SUGCT: variants seen among roughly 807,000 people sequenced by gnomAD.
SUGCT encodes the protein succinyl-CoA:glutarate-CoA transferase.
Under a neutral mutation model 55.0 loss-of-function variants are expected in SUGCT, and 41 were observed. The ratio of observed to expected loss-of-function variants is 0.74; its 90% confidence interval spans 0.58 to 0.97. SUGCT has a LOEUF of 0.97. Among genes scored for constraint, SUGCT ranks in the 50% least tolerant of loss-of-function variants. The pLI, the probability that SUGCT is intolerant of heterozygous loss-of-function variation, is 0.00. For synonymous variants in SUGCT, 187 were observed against 200.4 expected (o/e 0.93, Z 0.56); for missense variants, 568 against 547.8 (o/e 1.04, Z -0.37).
intron 9 of SUGCT, among the ~76,000 whole-genome samples, chr7:40,355,055 CA>C (rs2151207061): frequency 6.6e-6 from 1 of 152,234 alleles, no homozygotes; most frequent in African/African-American, 2.4e-5. Context: ...CATAGAGTTC[CA>C]TAAAACTCCA....
At chr7:40,618,202 A>C (rs1012160467) in intron 12 of SUGCT, among the ~76,000 whole-genome samples, 3 of 152,190 alleles carry the variant, frequency 2.0e-5, no homozygotes, top group Admixed American at 1.3e-4. Flanking sequence ...TGATATCTCT[A>C]CATGGATGTC....
intron 12 of SUGCT, among the ~76,000 whole-genome samples, chr7:40,586,152 G>T (rs888338056): frequency 6.6e-6 from 1 of 152,024 alleles, no homozygotes; most frequent in Non-Finnish European, 1.5e-5. Flanking sequence ...GAGCTCAGTC[G>T]ATGTCTGCTA....
At chr7:40,816,009 A>G (rs532648780) in intron 13 of SUGCT, among the ~76,000 whole-genome samples, 26 of 152,340 alleles carry the variant, frequency 1.7e-4, no homozygotes, top group Non-Finnish European at 3.2e-4. Context: ...AAGCTGGGGC[A>G]CCCAGCAATG....
At chr7:41,032,595 G>A in the SUGCT span, among the ~76,000 whole-genome samples, 1 of 152,136 alleles carries the variant, frequency 6.6e-6, no homozygotes, top group Non-Finnish European at 1.5e-5. Flanking sequence ...AAAATATGGT[G>A]GAGCCTACCT....
chr7:40,345,623 G>C lies in SUGCT; in HGVS notation c.816+28768G>C, dbSNP rs541117927. On this transcript the variant is annotated intron_variant, in intron 9 of 13. Coordinates refer to ENST00000335693, the MANE Select transcript of SUGCT (RefSeq NM_001193313.2). ...TCACCTGTTGAATGATTTTTAGGTT[G>C]TTTTGCAATTTTTATTTTTGTAAGG... Among the ~76,000 whole-genome samples the C allele has an allele frequency of 2.0e-5, 3 of 151,632 alleles. No homozygotes were observed. In the South Asian group the frequency reaches 6.3e-4, roughly 32 times the overall value.
At chr7:40,778,701 C>T (rs948472480) in intron 13 of SUGCT, among the ~76,000 whole-genome samples, 2 of 152,200 alleles carry the variant, frequency 1.3e-5, no homozygotes, top group African/African-American at 2.4e-5. Flanking sequence ...ATCTGCTTGG[C>T]GTAAAACTTA....
intron 6 of SUGCT, among the ~76,000 whole-genome samples, chr7:40,204,861 G>A (rs538627577): frequency 6.6e-6 from 1 of 152,250 alleles, no homozygotes; most frequent in Admixed American, 6.5e-5. Context: ...TTGAGCCCAG[G>A]AGTTTGAGGC....
chr7:40,628,934 G>A (rs967945935), intron 12 of SUGCT, among the ~76,000 whole-genome samples: 6 of 152,078 alleles, frequency 3.9e-5, no homozygotes, highest in Admixed American at 3.3e-4. Context: ...TAGAGATGGG[G>A]TTTCACCATG....
chr7:40,635,570 A>G (rs1056584803), intron 12 of SUGCT, among the ~76,000 whole-genome samples: 1 of 152,210 alleles, frequency 6.6e-6, no homozygotes, highest in African/African-American at 2.4e-5. Context: ...TAGCAATAAG[A>G]ATCTCTATAT....
the SUGCT span, among the ~76,000 whole-genome samples, chr7:40,898,338 G>A: frequency 2.6e-5 from 4 of 152,154 alleles, no homozygotes; most frequent in Non-Finnish European, 5.9e-5. Context: ...GACTCACCGC[G>A]AAGGTCTGCG....
At chr7:40,281,765 A>G (rs1792965181) in intron 8 of SUGCT, among the ~76,000 whole-genome samples, 1 of 152,210 alleles carries the variant, frequency 6.6e-6, no homozygotes, top group Non-Finnish European at 1.5e-5. Flanking sequence ...GGAGCAGCAT[A>G]GAAAGCTCAG....
At chr7:40,643,505 C>G (rs1800359359) in intron 12 of SUGCT, among the ~76,000 whole-genome samples, 1 of 152,210 alleles carries the variant, frequency 6.6e-6, no homozygotes, top group Non-Finnish European at 1.5e-5. Context: ...GGACTTCCCA[C>G]ACCTCTTACG....
chr7:40,768,905 G>T (rs1391731396), intron 13 of SUGCT, among the ~76,000 whole-genome samples: 1 of 152,198 alleles, frequency 6.6e-6, no homozygotes, highest in Non-Finnish European at 1.5e-5. Context: ...TTTAGGGAGA[G>T]TGCAGCCTGC....
intron 13 of SUGCT, chr7:40,808,466 T>G (rs1369625373): frequency 6.6e-6 from 1 of 152,358 alleles, no homozygotes; most frequent in Non-Finnish European, 1.5e-5. Context: ...ACTGGTCCAC[T>G]TCCAGCCATG....
In SUGCT at chr7:40,538,190, A is replaced by T. The variant is rs532619438; in HGVS notation, c.1089+41804A>T. 16 of 152,300 alleles carry T rather than the reference A, an allele frequency of 1.1e-4. No homozygotes were observed. The South Asian group carries it at 2.9e-3, about 28-fold the overall frequency. 9.4% of individuals were successfully genotyped at this position (152,300 alleles called of 1,614,324 possible). On this transcript the variant is annotated intron_variant, in intron 12 of 13. Coordinates refer to ENST00000335693, the MANE Select transcript of SUGCT (RefSeq NM_001193313.2). ...AACTATGATAATTATTTTTATCTTT[A>T]CATCATTTAACATTTTGCCATAGGA...
intron 12 of SUGCT, among the ~76,000 whole-genome samples, chr7:40,531,736 C>T (rs1009771749): frequency 1.3e-5 from 2 of 152,016 alleles, no homozygotes; most frequent in Non-Finnish European, 2.9e-5. Flanking sequence ...TGCAGTGGCA[C>T]GATCTCGGCT....
the SUGCT span, among the ~76,000 whole-genome samples, chr7:40,967,778 G>A: frequency 1.3e-5 from 2 of 149,916 alleles, no homozygotes; most frequent in South Asian, 4.3e-4. Flanking sequence ...CCGCCACCAC[G>A]CCCAGCTAAT....
intron 13 of SUGCT, among the ~76,000 whole-genome samples, chr7:40,771,373 CAAATT>C (rs1177507642): frequency 6.6e-6 from 1 of 152,124 alleles, no homozygotes; most frequent in Non-Finnish European, 1.5e-5. Flanking sequence ...GACTGATAGT[CAAATT>C]GAATTATAAA....
At chr7:40,343,379 TA>T (rs1468616147) in intron 9 of SUGCT, among the ~76,000 whole-genome samples, 3 of 152,190 alleles carry the variant, frequency 2.0e-5, no homozygotes, top group Non-Finnish European at 4.4e-5. Context: ...TAGAACAAAT[TA>T]ATCAGACTTG....
Sources: allele counts gnomAD v4.1 joint callset (sites outside exome capture counted in the v4.1 genomes callset), GRCh38; gene constraint gnomAD v4.1.1; transcripts MANE v1.5; gene names NCBI Gene and HGNC (gene_info 2026-07-23, HGNC 2026-07-21).